Variants in MAGI2 observed in about 807,000 individuals in gnomAD.
MAGI2 encodes membrane-associated guanylate kinase, WW and PDZ domain-containing protein 2.
A neutral mutation model predicts 133.3 loss-of-function variants in MAGI2; 35 were observed. That is an observed-to-expected ratio of 0.26 (90% confidence interval 0.20 to 0.35). The LOEUF is 0.35. Ranked by LOEUF, MAGI2 falls within the 10% of genes least tolerant of loss-of-function variation. The pLI is 1.00. For synonymous variants in MAGI2, 729 were observed against 710.6 expected (o/e 1.03, Z -0.41); for missense variants, 1,636 against 1,863.4 (o/e 0.88, Z 2.25).
chr7:79,428,900 T>C (rs575502329), intron 1 of MAGI2, among the ~76,000 whole-genome samples: 4 of 152,278 alleles, frequency 2.6e-5, no homozygotes, highest in South Asian at 2.1e-4. Context: ...TGTTTTCCAA[T>C]AGGTAATTTT....
chr7:79,328,036 C>T (rs1367149468), intron 1 of MAGI2, among the ~76,000 whole-genome samples: 1 of 152,082 alleles, frequency 6.6e-6, no homozygotes, highest in Admixed American at 6.6e-5. Context: ...GATGTTTCAA[C>T]TACATTTCAG....
intron 20 of MAGI2, among the ~76,000 whole-genome samples, chr7:78,115,797 G>C (rs568826944): frequency 6.6e-6 from 1 of 152,262 alleles, no homozygotes; most frequent in East Asian, 1.9e-4. Context: ...ACCAGCCTGG[G>C]CAACATTGTG....
intron 2 of MAGI2, among the ~76,000 whole-genome samples, chr7:78,691,189 A>C (rs1383550987): frequency 1.3e-5 from 2 of 152,178 alleles, no homozygotes; most frequent in Non-Finnish European, 2.9e-5. Context: ...CTTATCCAAG[A>C]AACCTTGAGC....
intron 3 of MAGI2, among the ~76,000 whole-genome samples, chr7:78,522,358 A>T (rs1024604101): frequency 2.6e-5 from 4 of 152,328 alleles, no homozygotes; most frequent in Non-Finnish European, 5.9e-5. Flanking sequence ...CATGGAATAA[A>T]TGTTTATTAA....
chr7:79,004,644 T>C (rs748044242), intron 2 of MAGI2, among the ~76,000 whole-genome samples: 13 of 152,146 alleles, frequency 8.5e-5, no homozygotes, highest in Non-Finnish European at 1.5e-4. Context: ...ATATTCAAAG[T>C]GATGGATACC....
chr7:78,651,684 AATG>A (rs892734498), intron 2 of MAGI2, among the ~76,000 whole-genome samples: 1 of 152,134 alleles, frequency 6.6e-6, no homozygotes, highest in African/African-American at 2.4e-5. Flanking sequence ...ATTAGAATAA[AATG>A]ATGATCTAAG....
At chr7:79,314,735 C>T (rs1838569838) in intron 1 of MAGI2, among the ~76,000 whole-genome samples, 2 of 152,104 alleles carry the variant, frequency 1.3e-5, no homozygotes, top group Admixed American at 1.3e-4. Flanking sequence ...TAGAGATGTA[C>T]ATGTGACCAA....
At chr7:78,990,436 C>T (rs1260558218) in intron 2 of MAGI2, among the ~76,000 whole-genome samples, 1 of 152,022 alleles carries the variant, frequency 6.6e-6, no homozygotes, top group Non-Finnish European at 1.5e-5. Flanking sequence ...CGTAGAAATT[C>T]CACCTCTATT....
intron 2 of MAGI2, among the ~76,000 whole-genome samples, chr7:78,819,558 A>C (rs1314211741): frequency 6.6e-6 from 1 of 152,052 alleles, no homozygotes; most frequent in African/African-American, 2.4e-5. Flanking sequence ...CAGACTAAAA[A>C]TAATTTTTAA....
chr7:78,766,324 C>T (rs987478062), intron 2 of MAGI2, among the ~76,000 whole-genome samples: 1 of 152,144 alleles, frequency 6.6e-6, no homozygotes, highest in African/African-American at 2.4e-5. Flanking sequence ...GAACTGCTTG[C>T]AGGACTGGTG....
intron 1 of MAGI2, among the ~76,000 whole-genome samples, chr7:79,020,148 G>A (rs564529612): frequency 6.6e-6 from 1 of 152,136 alleles, no homozygotes; most frequent in South Asian, 2.1e-4. Context: ...CAGGAATAAA[G>A]GTGACTCTTG....
intron 1 of MAGI2, among the ~76,000 whole-genome samples, chr7:79,213,282 A>T (rs1474664385): frequency 6.7e-6 from 1 of 149,126 alleles, no homozygotes. Flanking sequence ...GTGTATATAT[A>T]TATGTGGGTG....
rs1485446554 is a variant in MAGI2, at chr7:79,416,116, G to A, written c.301+36904C>T. On this transcript the variant is annotated intron_variant, in intron 1 of 21. Coordinates refer to ENST00000354212, the MANE Select transcript of MAGI2 (RefSeq NM_012301.4). ...GGTAACAATGAGAAAGAATCAAGTT[G>A]CTAAGTGTTTATATCCTACTGAGCC... Among the ~76,000 whole-genome samples, 4 of 152,080 alleles carry A rather than the reference G, an allele frequency of 2.6e-5. No homozygotes were observed. The East Asian group carries it at 7.7e-4, about 29-fold the overall frequency.
At chr7:78,547,382 T>A (rs891944321) in intron 3 of MAGI2, among the ~76,000 whole-genome samples, 2 of 152,240 alleles carry the variant, frequency 1.3e-5, no homozygotes, top group Non-Finnish European at 2.9e-5. Flanking sequence ...ATGCAGTTCA[T>A]AAACAATAAG....
At chr7:78,815,060 T>G (rs1789442190) in intron 2 of MAGI2, among the ~76,000 whole-genome samples, 1 of 152,184 alleles carries the variant, frequency 6.6e-6, no homozygotes, top group South Asian at 2.1e-4. Context: ...ATGGTTTGGT[T>G]GCTTATTTCT....
At chr7:78,662,729 A>G (rs553597100) in intron 2 of MAGI2, among the ~76,000 whole-genome samples, 2 of 152,356 alleles carry the variant, frequency 1.3e-5, no homozygotes, top group East Asian at 3.9e-4. Context: ...TTAGTACTGT[A>G]TATGACTGGT....
At chr7:78,401,104 T>C (rs995489923) in intron 6 of MAGI2, among the ~76,000 whole-genome samples, 1 of 152,040 alleles carries the variant, frequency 6.6e-6, no homozygotes, top group African/African-American at 2.4e-5. Flanking sequence ...TCAAGAGCCT[T>C]AGCTTTGTGA....
At chr7:79,323,501 G>A (rs73375151) in intron 1 of MAGI2, among the ~76,000 whole-genome samples, 7,204 of 152,136 alleles carry the variant, frequency 0.047, 274 homozygotes, top group African/African-American at 0.11. Context: ...TGGAATGATC[G>A]TGGATCTGGA....
rs187722192 is a variant in MAGI2, at chr7:79,284,739, C to A, written c.301+168281G>T. Among the ~76,000 whole-genome samples, 13 of 152,142 alleles carry A rather than the reference C, an allele frequency of 8.5e-5. No individual in the cohort carries two copies. The South Asian group carries it at 1.9e-3, about 22-fold the overall frequency. On this transcript the variant is annotated intron_variant, in intron 1 of 21. Transcript: ENST00000354212. The stretch of plus-strand genomic sequence containing the variant: ...AGTTTCAGTTAATGTTCAATTGGAA[C>A]GTTACCAGAATCATTTGCATACATA...
Sources: allele counts gnomAD v4.1 joint callset (sites outside exome capture counted in the v4.1 genomes callset), GRCh38; gene constraint gnomAD v4.1.1; transcripts MANE v1.5; gene names NCBI Gene and HGNC (gene_info 2026-07-23, HGNC 2026-07-21).